Variants in LRRC1 observed in about 807,000 individuals in gnomAD.
The protein encoded by LRRC1 is leucine-rich repeat-containing protein 1.
Under a neutral mutation model 69.9 loss-of-function variants are expected in LRRC1, and 28 were observed. The observed-to-expected ratio is 0.40, with a 90% CI of 0.30 to 0.55. The LOEUF (loss-of-function observed/expected upper bound fraction) is 0.55, where lower values mean the gene tolerates loss of function less well. Ranked by LOEUF, LRRC1 falls within the 20% of genes least tolerant of loss-of-function variation. LRRC1 has a pLI of 0.47. For synonymous variants in LRRC1, 236 were observed against 240.2 expected, an observed-to-expected ratio of 0.98 and a Z score of 0.16; for missense variants, 498 against 609.0, an observed-to-expected ratio of 0.82 and a Z score of 1.92.
At chr6:53,843,543 CT>C in intron 2 of LRRC1, among the ~76,000 whole-genome samples, 1 of 152,232 alleles carries the variant, frequency 6.6e-6, no homozygotes, top group Middle Eastern at 3.4e-3. Flanking sequence ...TTATTTCTTA[CT>C]TTGAAGGTAC....
intron 2 of LRRC1, among the ~76,000 whole-genome samples, chr6:53,854,145 T>C (rs1365565654): frequency 1.3e-5 from 2 of 152,234 alleles, no homozygotes; most frequent in African/African-American, 4.8e-5. Flanking sequence ...TCACTGGTAG[T>C]GTACTACACG....
chr6:53,896,469 T>G (rs760751052), intron 4 of LRRC1, 29 bp from the exon 5 acceptor site: 4 of 1,594,706 alleles, frequency 2.5e-6, no homozygotes, highest in Non-Finnish European at 3.4e-6. Flanking sequence ...ATTTCTCTTA[T>G]GCTTTTTTTT....
chr6:53,842,747 C>G (rs1310878850), intron 2 of LRRC1, among the ~76,000 whole-genome samples: 1 of 152,152 alleles, frequency 6.6e-6, no homozygotes, highest in Non-Finnish European at 1.5e-5. Flanking sequence ...GGTATGCTCT[C>G]CCTGTAGTGA....
At chr6:53,890,783 T>C (rs1469902716) in intron 4 of LRRC1, among the ~76,000 whole-genome samples, 2 of 152,182 alleles carry the variant, frequency 1.3e-5, no homozygotes, top group African/African-American at 4.8e-5. Context: ...CAACTCCCCA[T>C]TCCCCCATTA....
intron 4 of LRRC1, among the ~76,000 whole-genome samples, chr6:53,892,036 A>ACACACT (rs1767721723): frequency 6.6e-6 from 1 of 151,528 alleles, no homozygotes; most frequent in East Asian, 1.9e-4. Context: ...ACACACACAC[A>ACACACT]CACACACACA....
At position 53,841,608 on chromosome 6, in the gene LRRC1, G is replaced by T. The variant is rs77627547; in HGVS notation, c.160-502G>T. Among the ~76,000 whole-genome samples the T allele has an allele frequency of 7.5e-3, 1,145 of 152,136 alleles. 14 individuals carry two copies. The highest frequency in any genetic ancestry group is 0.026 in the African/African-American group (1,085 of 41,512). ...ATGGTTGATGGAAGTATCCAGTGCA[G>T]ACTTTTTAGACTGGTCAAAAATATA... On this transcript the variant is annotated intron_variant, in intron 1 of 13. Transcript: ENST00000370888.
chr6:53,857,582 A>T (rs924533684), intron 2 of LRRC1, among the ~76,000 whole-genome samples: 4 of 152,160 alleles, frequency 2.6e-5, no homozygotes, highest in Admixed American at 2.6e-4. Context: ...AAACAAAGAA[A>T]TTCTCGAGAG....
intron 2 of LRRC1, among the ~76,000 whole-genome samples, chr6:53,851,172 G>GGACACACACACA (rs1434092438): frequency 2.2e-5 from 1 of 45,936 alleles, no homozygotes; most frequent in Non-Finnish European, 4.4e-5. Flanking sequence ...AGAACTAATA[G>GGACACACACACA]GACACACACA....
intron 2 of LRRC1, among the ~76,000 whole-genome samples, chr6:53,872,722 G>A (rs1034197530): frequency 1.4e-5 from 2 of 144,544 alleles, no homozygotes; most frequent in Non-Finnish European, 3.0e-5. Context: ...GCTTTGGGTA[G>A]TATAGACACT....
At chr6:53,910,805 C>T (rs1209113830) in intron 10 of LRRC1, among the ~76,000 whole-genome samples, 3 of 152,146 alleles carry the variant, frequency 2.0e-5, no homozygotes, top group South Asian at 4.1e-4. Flanking sequence ...TCAAAGCATC[C>T]GCTCCCTCCA....
At chr6:53,885,250 C>T (rs889696058) in intron 4 of LRRC1, among the ~76,000 whole-genome samples, 1 of 152,200 alleles carries the variant, frequency 6.6e-6, no homozygotes. Context: ...GAGGAAATCT[C>T]ATATATGCAT....
Position 53,922,641 on chromosome 6 carries a change from C to T in LRRC1, c.1423C>T (p.Leu475Phe). 6.2e-7 allele frequency: 1 copy of T among 1,613,066 alleles called. No homozygotes were observed. The highest frequency in any genetic ancestry group is 8.5e-7 in the Non-Finnish European group (1 of 1,179,386). The change falls in exon 14 of 14, where the codon CTT becomes TTT. Residue 475 changes from leucine (L) to phenylalanine (F), a missense_variant. Leu to Phe is a conservative substitution (Grantham distance 22). Around this residue, in one of 3 missense-constraint regions of LRRC1, gnomAD observed 162 missense variants for 162.9 expected, o/e 0.99. Transcript: ENST00000370888. ...CTCCACTGTTTGTTTTTAGAGAACA[C>T]TTCTAAGGCGAGCCACTCCACACCC... ...KDEEDNETRT[L>F]LRRATPHPGE...
rs751807026 is a variant in LRRC1 at position 53,919,488 on chromosome 6, A to AAC, written c.1107-9_1107-8insCA. On this transcript the variant is annotated splice_polypyrimidine_tract_variant and intron_variant, in intron 11 of 13. Transcript: ENST00000370888. Reference sequence around the variant, plus strand: ...GATGTCTCTTTTTTTAAAAAAAAAAAAAAAAACAGGTTGCTGCATCTACCT... The same window carrying AAC: ...GATGTCTCTTTTTTTAAAAAAAAAAAACAAAAAACAGGTTGCTGCATCTACCT... The AAC allele has an allele frequency of 7.6e-5, 115 of 1,506,218 alleles. 1 individual carries two copies. The highest frequency in any genetic ancestry group is 3.9e-4 in the South Asian group (29 of 75,100). 93.3% of individuals were successfully genotyped at this position (1,506,218 alleles called of 1,614,324 possible). A position where few individuals can be genotyped will look rare whatever the true frequency, so the allele number is the denominator to read the frequency against.
chr6:53,820,498 A>G (rs1406335316), intron 1 of LRRC1, among the ~76,000 whole-genome samples: 1 of 150,744 alleles, frequency 6.6e-6, no homozygotes, highest in Admixed American at 6.6e-5. Flanking sequence ...GAAGCCCTGC[A>G]TCATACTCTC....
intron 10 of LRRC1, among the ~76,000 whole-genome samples, chr6:53,910,831 C>G (rs1199865454): frequency 1.3e-5 from 2 of 152,212 alleles, no homozygotes; most frequent in Non-Finnish European, 2.9e-5. Context: ...CCGCATCTCC[C>G]TCTGACGTCT....
chr6:53,857,997 G>C (rs1028088413), intron 2 of LRRC1, among the ~76,000 whole-genome samples: 2 of 152,172 alleles, frequency 1.3e-5, no homozygotes, highest in Non-Finnish European at 2.9e-5. Flanking sequence ...TTTGATCAGC[G>C]TCTGGCATGG....
intron 2 of LRRC1, among the ~76,000 whole-genome samples, chr6:53,874,005 G>C (rs1766985461): frequency 1.3e-5 from 2 of 152,184 alleles, no homozygotes; most frequent in Non-Finnish European, 2.9e-5. Context: ...AGGCTGACCA[G>C]CACTTTTCAG....
At chr6:53,827,477 C>A (rs1765306206) in intron 1 of LRRC1, among the ~76,000 whole-genome samples, 1 of 152,090 alleles carries the variant, frequency 6.6e-6, no homozygotes, top group Admixed American at 6.6e-5. Context: ...GGAGCAGAGG[C>A]AAAATGCGTT....
At chr6:53,875,130 A>G (rs1301855433) in intron 2 of LRRC1, among the ~76,000 whole-genome samples, 1 of 152,352 alleles carries the variant, frequency 6.6e-6, no homozygotes, top group Middle Eastern at 3.4e-3. Flanking sequence ...CAATTTAACA[A>G]TATTTTTCAA....
Sources: allele counts gnomAD v4.1 joint callset (sites outside exome capture counted in the v4.1 genomes callset), GRCh38; gene constraint gnomAD v4.1.1; regional missense constraint gnomAD v4.1.1; transcripts MANE v1.5; gene names NCBI Gene and HGNC (gene_info 2026-07-23, HGNC 2026-07-21).